TNRC6C: variants seen among roughly 807,000 people sequenced by gnomAD.
The protein encoded by TNRC6C is trinucleotide repeat containing adaptor 6C.
TNRC6C carries 20 observed loss-of-function variants against 153.7 expected under a neutral mutation model. The observed-to-expected ratio is 0.13, with a 90% CI of 0.09 to 0.19. TNRC6C has a LOEUF of 0.19. TNRC6C is among the 10% of genes least tolerant of loss of function. The pLI is 1.00. For synonymous variants in TNRC6C, 811 were observed against 841.4 expected (o/e 0.96, Z 0.63); for missense variants, 1,987 against 2,172.0 (o/e 0.91, Z 1.69).
Position 77,968,707 on chromosome 17 carries a change from T to C in TNRC6C, c.-38+9439T>C, listed in dbSNP as rs556281560. Among the ~76,000 whole-genome samples the C allele has an allele frequency of 1.2e-4, 18 of 152,334 alleles. No homozygotes were observed. The East Asian group carries it at 3.5e-3, about 29-fold the overall frequency. On this transcript the variant is annotated intron_variant, in intron 1 of 22. Coordinates refer to the TNRC6C transcript ENST00000636222. ...TTAGCCTTGGATGGCAGAATTTTGA[T>C]TGGGTAGATCTTAAGTCTTCAGAAA...
intron 5 of TNRC6C, among the ~76,000 whole-genome samples, chr17:78,069,891 A>C (rs976096051): frequency 1.3e-5 from 2 of 152,192 alleles, no homozygotes; most frequent in African/African-American, 4.8e-5. Context: ...ATCAGCTTCT[A>C]CAGAATGTTC....
chr17:78,029,221 G>T (rs2072009208), intron 1 of TNRC6C, among the ~76,000 whole-genome samples: 1 of 152,194 alleles, frequency 6.6e-6, no homozygotes, highest in Admixed American at 6.5e-5. Flanking sequence ...CTAAAATTCA[G>T]TAGTACGATC....
intron 4 of TNRC6C, among the ~76,000 whole-genome samples, chr17:78,065,843 A>G (rs1256668577): frequency 6.6e-6 from 1 of 152,216 alleles, no homozygotes; most frequent in African/African-American, 2.4e-5. Flanking sequence ...TGTCCAGATT[A>G]TGTATACCAA....
chr17:78,040,997 C>A (rs2072281487), intron 2 of TNRC6C: 1 of 152,116 alleles, frequency 6.6e-6, no homozygotes, highest in Non-Finnish European at 1.5e-5. Context: ...CAGGAGGCGG[C>A]TCTCGCTGTA....
At chr17:77,975,143 G>A (rs548863312) in intron 1 of TNRC6C, among the ~76,000 whole-genome samples, 2 of 152,246 alleles carry the variant, frequency 1.3e-5, no homozygotes, top group East Asian at 3.9e-4. Context: ...TGCATCTTTT[G>A]CTGGTGGCCA....
At chr17:78,085,391 A>G (rs1410392129) in intron 11 of TNRC6C, among the ~76,000 whole-genome samples, 1 of 152,202 alleles carries the variant, frequency 6.6e-6, no homozygotes, top group East Asian at 1.9e-4. Context: ...TTTTAGGCCT[A>G]TAAGGATTCA....
intron 19 of TNRC6C, 99 bp downstream of exon 22, chr17:78,103,652 A>G (rs963791265): frequency 8.0e-6 from 12 of 1,503,316 alleles, no homozygotes; most frequent in Non-Finnish European, 1.1e-5. Flanking sequence ...CCACCATAGC[A>G]GAATCCCACA....
In TNRC6C at chr17:78,093,601, A is replaced by G. The variant is rs1393736566; in HGVS notation, c.4163-19A>G. On this transcript the variant is annotated intron_variant, in intron 15 of 19. Coordinates refer to ENST00000301624, the Ensembl canonical transcript of TNRC6C. ...CCGGTGTTCTGATCTGTGGCTTCTCATTTTGGTTTCTTAAACAGAATTCCA... is the reference window on the plus strand; with the variant it reads ...CCGGTGTTCTGATCTGTGGCTTCTCGTTTTGGTTTCTTAAACAGAATTCCA... 3 of 1,613,486 alleles carry G rather than the reference A, an allele frequency of 1.9e-6. No individual in the cohort carries two copies. Among genetic ancestry groups the G allele is most frequent in the East Asian group, 2.2e-5 (1 of 44,874 alleles).
At chr17:78,021,012 G>C (rs2071821650) in intron 1 of TNRC6C, among the ~76,000 whole-genome samples, 1 of 152,206 alleles carries the variant, frequency 6.6e-6, no homozygotes, top group African/African-American at 2.4e-5. Flanking sequence ...GTGCTCCAGT[G>C]CCTTCCTACG....
intron 2 of TNRC6C, among the ~76,000 whole-genome samples, chr17:78,032,719 ATTC>A (rs997433628): frequency 4.6e-5 from 7 of 152,360 alleles, no homozygotes; most frequent in East Asian, 1.9e-4. Flanking sequence ...CACAAGTCAT[ATTC>A]TTGTTTTCTT....
At chr17:78,083,003 T>G in intron 10 of TNRC6C, 44 bp from the exon 13 acceptor site, 1 of 1,606,194 alleles carries the variant, frequency 6.2e-7, no homozygotes, top group South Asian at 1.1e-5. Flanking sequence ...AGTAACTATT[T>G]TAACAGAGAT....
upstream of TNRC6C, among the ~76,000 whole-genome samples, chr17:77,958,350 A>AC (rs144869330): frequency 2.9e-3 from 438 of 149,844 alleles, 15 homozygotes; most frequent in East Asian, 0.082. Context: ...TCTCCACGTA[A>AC]CCCCCCCGAG....
intron 1 of TNRC6C, among the ~76,000 whole-genome samples, chr17:77,969,572 T>A (rs2070925107): frequency 1.3e-5 from 2 of 152,158 alleles, no homozygotes; most frequent in Non-Finnish European, 2.9e-5. Flanking sequence ...TTTAAAAATC[T>A]GAGAGATCTT....
exon 3 of TNRC6C, chr17:78,048,897 G>A: frequency 7.9e-7 from 1 of 1,260,282 alleles, no homozygotes. Context: ...ACTGGGGACA[G>A]CAGCCTACTT....
upstream of TNRC6C, among the ~76,000 whole-genome samples, chr17:77,958,731 C>T (rs1311869662): frequency 3.3e-5 from 5 of 151,288 alleles, no homozygotes; most frequent in Non-Finnish European, 7.4e-5. Flanking sequence ...GCCGCGGTGG[C>T]AGCTCCGCAC....
chr17:78,020,293 C>T (rs1186795170), intron 1 of TNRC6C, among the ~76,000 whole-genome samples: 1 of 152,170 alleles, frequency 6.6e-6, no homozygotes, highest in Admixed American at 6.5e-5. Context: ...CTGAGTGTGC[C>T]ATGCTTGCAT....
chr17:78,104,866 A>T lies in TNRC6C; in HGVS notation c.*21A>T. 7.1e-7 allele frequency: 1 copy of T among 1,399,184 alleles called. No homozygotes were observed. The highest frequency in any genetic ancestry group is 9.3e-7 in the Non-Finnish European group (1 of 1,080,264). The allele number at this position is 1,399,184 out of a possible 1,614,324, so 86.7% of individuals were successfully genotyped here. A position where few individuals can be genotyped will look rare whatever the true frequency, so the allele number is the denominator to read the frequency against. ...TGTAGGCTCTGCCATCATCAGCACC[A>T]GGAGAGCCGACCCCTCCCGGGACCC... On this transcript the variant is annotated 3_prime_UTR_variant, in exon 20 of 20. Coordinates refer to ENST00000301624, the Ensembl canonical transcript of TNRC6C. The surrounding 1 kb of genome is among the most constrained non-coding windows in gnomAD (Gnocchi z 6.2).
upstream of TNRC6C, among the ~76,000 whole-genome samples, chr17:78,001,496 G>A (rs575433298): frequency 1.4e-4 from 22 of 152,228 alleles, no homozygotes; most frequent in South Asian, 2.7e-3. Context: ...AAGAATGACT[G>A]AATAATATGA....
intron 16 of TNRC6C, 59 bp from the exon 20 acceptor site, chr17:78,098,284 G>A: frequency 2.0e-6 from 3 of 1,479,176 alleles, no homozygotes; most frequent in Non-Finnish European, 1.8e-6. Context: ...CCCAAACACA[G>A]CAGTGAGTTT....
Sources: allele counts gnomAD v4.1 joint callset (sites outside exome capture counted in the v4.1 genomes callset), GRCh38; gene constraint gnomAD v4.1.1; non-coding constraint Gnocchi (gnomAD v3.1); transcripts MANE v1.5; gene names NCBI Gene and HGNC (gene_info 2026-07-23, HGNC 2026-07-21).